Variants in CRB1 observed in about 807,000 individuals in gnomAD.
CRB1 encodes the protein crumbs cell polarity complex component 1, also known as protein crumbs homolog 1.
Under a neutral mutation model 120.0 loss-of-function variants are expected in CRB1, and 83 were observed. The ratio of observed to expected loss-of-function variants is 0.69; its 90% confidence interval spans 0.58 to 0.83. CRB1 has a LOEUF of 0.83. CRB1 is among the 40% of genes least tolerant of loss of function. The probability of loss-of-function intolerance (pLI) is 0.00; values close to 1 mark genes in which losing one functional copy is unlikely to be tolerated. For missense variants in CRB1, 1,699 were observed against 1,687.6 expected, an observed-to-expected ratio of 1.01 and a Z score of -0.12; for synonymous variants, 625 against 612.5, an observed-to-expected ratio of 1.02 and a Z score of -0.30.
chr1:197,421,598 A>G lies in CRB1; in HGVS notation c.1770A>G (p.Lys590=), dbSNP rs1350306887. Residue 590 remains lysine, a synonymous_variant, in exon 6 of 12, where the codon AAA becomes AAG. Transcript: ENST00000367400. ...TAATCGACGACTCCTGTAAGGAGAA[A>G]TGCATCGCGAAAGCTCCTACTCCAC... The part of the protein sequence containing the change: ...LTLIDDSCKE[K]CIAKAPTPLE... 6.2e-7 allele frequency: 1 copy of G among 1,614,236 alleles called. No individual in the cohort carries two copies. Among genetic ancestry groups the G allele is most frequent in the Non-Finnish European group, 8.5e-7 (1 of 1,180,040 alleles).
At chr1:197,334,403 T>C (rs1032239755) in intron 2 of CRB1, among the ~76,000 whole-genome samples, 2 of 152,138 alleles carry the variant, frequency 1.3e-5, no homozygotes, top group Non-Finnish European at 2.9e-5. Flanking sequence ...TGCAATAGTA[T>C]TGGGAGGTGG....
chr1:197,379,605 C>CAAAAAAA (rs75820081), intron 5 of CRB1, among the ~76,000 whole-genome samples: 2 of 74,382 alleles, frequency 2.7e-5, no homozygotes, highest in African/African-American at 5.4e-5. Flanking sequence ...CGGCCCCGGC[C>CAAAAAAA]AAAAAAAAAA....
Position 197,477,702 on chromosome 1 carries a change from T to C in CRB1, c.4044T>C (p.Ile1348=). The change falls in exon 12 of 12, where the codon ATT becomes ATC. Residue 1348 remains isoleucine, a synonymous_variant. Transcript: ENST00000367400. ...DDLISDIFTT[I]GSVTVALLLI... ...TGATCTCCGACATTTTCACCACTAT[T>C]GGCTCAGTGACTGTCGCCTTGTTAC... The C allele has an allele frequency of 6.2e-7, 1 of 1,613,926 alleles. No individual in the cohort carries two copies. Among genetic ancestry groups the C allele is most frequent in the Non-Finnish European group, 8.5e-7 (1 of 1,179,866 alleles).
At position 197,288,200 on chromosome 1, in the gene CRB1, A is replaced by G. The variant is rs535155730; in HGVS notation, c.70+19718A>G. ...TATATCAGCACATGCATGTAAGGAA[A>G]GTTCCCAAGACCTGGGAAAGAATAA... On this transcript the variant is annotated intron_variant, in intron 1 of 11. Coordinates refer to ENST00000367400, the MANE Select transcript of CRB1 (RefSeq NM_201253.3). 2.6e-5 allele frequency among the ~76,000 whole-genome samples: 4 copies of G among 151,984 alleles called. No homozygotes were observed. The South Asian group carries it at 6.2e-4, about 24-fold the overall frequency.
chr1:197,264,401 C>T (rs887027988), upstream of CRB1, among the ~76,000 whole-genome samples: 46 of 152,084 alleles, frequency 3.0e-4, no homozygotes, highest in African/African-American at 1.1e-3. Context: ...AGTTCTATAT[C>T]TTTGCTGTTG....
chr1:197,247,836 T>C, the CRB1 span, among the ~76,000 whole-genome samples: 52,874 of 151,930 alleles, frequency 0.35, 11,600 homozygotes, highest in East Asian at 0.77. Context: ...AAAGAAAGTT[T>C]AAGCTTTGAA....
At chr1:197,437,895 A>C (rs1020359617) in intron 9 of CRB1, 4 of 154,392 alleles carry the variant, frequency 2.6e-5, no homozygotes, top group African/African-American at 9.6e-5. Flanking sequence ...CTTACAGTGA[A>C]GTTCCGCTTA....
the CRB1 span, among the ~76,000 whole-genome samples, chr1:197,261,401 A>G: frequency 1.3e-5 from 2 of 152,278 alleles, no homozygotes; most frequent in Non-Finnish European, 2.9e-5. Context: ...CATGCATACT[A>G]TGAAATGCCG....
chr1:197,415,219 A>G (rs1004624862), intron 5 of CRB1, among the ~76,000 whole-genome samples: 2 of 152,228 alleles, frequency 1.3e-5, no homozygotes, highest in African/African-American at 2.4e-5. Flanking sequence ...GTAAAGAAAT[A>G]AACATCTTAT....
the CRB1 span, among the ~76,000 whole-genome samples, chr1:197,235,296 A>G: frequency 1.2e-4 from 19 of 152,178 alleles, no homozygotes; most frequent in Admixed American, 1.2e-3. Flanking sequence ...TTAAGCTACA[A>G]CTGTCACCCG....
At chr1:197,373,238 C>G (rs1287774663) in intron 5 of CRB1, among the ~76,000 whole-genome samples, 1 of 152,094 alleles carries the variant, frequency 6.6e-6, no homozygotes, top group Non-Finnish European at 1.5e-5. Flanking sequence ...ATTATATTTC[C>G]CACTTAGTCC....
chr1:197,282,706 T>A (rs1655593310), intron 1 of CRB1, among the ~76,000 whole-genome samples: 1 of 151,826 alleles, frequency 6.6e-6, no homozygotes, highest in Non-Finnish European at 1.5e-5. Flanking sequence ...CACAGAGAAA[T>A]ATTATTTCTC....
chr1:197,358,007 A>G (rs949667970), intron 5 of CRB1: 1 of 152,202 alleles, frequency 6.6e-6, no homozygotes, highest in Non-Finnish European at 1.5e-5. Context: ...ACCCTAGTTT[A>G]AAAAATGCAT....
At chr1:197,203,715 A>T in the CRB1 span, among the ~76,000 whole-genome samples, 2 of 152,310 alleles carry the variant, frequency 1.3e-5, no homozygotes, top group East Asian at 3.9e-4. Context: ...GACTAAAATT[A>T]ATCATTATAT....
intron 5 of CRB1, among the ~76,000 whole-genome samples, chr1:197,387,896 C>T (rs1339884756): frequency 6.6e-6 from 1 of 151,884 alleles, no homozygotes; most frequent in Non-Finnish European, 1.5e-5. Context: ...AGATTCTCTT[C>T]TGAAATTGTA....
rs1405054104 is a variant in CRB1 at position 197,328,719 on chromosome 1, G to T, written c.368G>T (p.Gly123Val). ...SCGKNSCQHG[G>V]ICHQDPIYPV... ...GGCAAGAACTCCTGCCAACATGGAG[G>T]TATTTGCCATCAGGACCCTATTTAT... The change falls in exon 2 of 12, where the codon GGT (glycine) becomes GTT (valine). Residue 123 changes from glycine to valine, a missense_variant. Transcript: ENST00000367400. 1 of 1,612,356 alleles carries T rather than the reference G, an allele frequency of 6.2e-7. No individual in the cohort carries two copies. The highest frequency in any genetic ancestry group is 1.3e-5 in the African/African-American group (1 of 74,862).
At chr1:197,468,824 G>A (rs901439100) in intron 11 of CRB1, among the ~76,000 whole-genome samples, 1 of 152,182 alleles carries the variant, frequency 6.6e-6, no homozygotes, top group Non-Finnish European at 1.5e-5. Flanking sequence ...GGGCTTCTCT[G>A]GAGAGGCTTT....
intron 1 of CRB1, among the ~76,000 whole-genome samples, chr1:197,282,076 A>G (rs1655553917): frequency 1.3e-5 from 2 of 151,786 alleles, no homozygotes; most frequent in South Asian, 4.1e-4. Context: ...TGAAAAAAAA[A>G]AGAAAATCAA....
In CRB1 at chr1:197,475,635, C is replaced by T. The variant is rs116936941; in HGVS notation, c.4006-2029C>T. 6.7e-4 allele frequency among the ~76,000 whole-genome samples: 102 copies of T among 152,322 alleles called. No homozygotes were observed. The East Asian group carries it at 0.02, about 29-fold the overall frequency. ...TTTTGCTTAAATATCTTCAGTGGCT[C>T]CTCACTGACTACAGGACAAAGTCTG... On this transcript the variant is annotated intron_variant, in intron 11 of 11. Coordinates refer to ENST00000367400, the MANE Select transcript of CRB1 (RefSeq NM_201253.3).
Sources: allele counts gnomAD v4.1 joint callset (sites outside exome capture counted in the v4.1 genomes callset), GRCh38; gene constraint gnomAD v4.1.1; transcripts MANE v1.5; gene names NCBI Gene and HGNC (gene_info 2026-07-23, HGNC 2026-07-21).